Variants in APOD observed in about 807,000 individuals in gnomAD.
APOD encodes apo-D.
In APOD, 22 loss-of-function variants were observed where a neutral mutation model predicts 20.4. The ratio of observed to expected loss-of-function variants is 1.08; its 90% CI spans 0.77 to 1.54. The LOEUF (loss-of-function observed/expected upper bound fraction) is 1.54. Ranked by LOEUF, APOD falls within the 40% of genes most tolerant of loss-of-function variation. The pLI, the probability that APOD is intolerant of heterozygous loss-of-function variation, is 0.00. For synonymous variants in APOD, 97 were observed against 92.4 expected, an observed-to-expected ratio of 1.05 and a Z score of -0.29; for missense variants, 223 against 229.6, an observed-to-expected ratio of 0.97 and a Z score of 0.19.
chr3:195,571,446 G>C, intron 3 of APOD, 81 bp from the exon 4 acceptor site: 1 of 1,325,488 alleles, frequency 7.5e-7, no homozygotes, highest in Non-Finnish European at 1.1e-6. Context: ...AATAAGCAAC[G>C]AAAGGCAAGA....
intron 2 of APOD, among the ~76,000 whole-genome samples, chr3:195,577,856 A>T (rs1720271716): frequency 6.6e-6 from 1 of 152,244 alleles, no homozygotes; most frequent in Admixed American, 6.5e-5. Flanking sequence ...GAATAGGCAA[A>T]TTCGGAGACA....
At chr3:195,582,189 C>T (rs921830174) in intron 1 of APOD, among the ~76,000 whole-genome samples, 61 of 152,044 alleles carry the variant, frequency 4.0e-4, no homozygotes, top group Non-Finnish European at 2.9e-4. Flanking sequence ...AGCAAAACTC[C>T]GTCTCAAAAC....
At chr3:195,569,575 G>A (rs749309380) in intron 4 of APOD, among the ~76,000 whole-genome samples, 1 of 152,006 alleles carries the variant, frequency 6.6e-6, no homozygotes, top group Non-Finnish European at 1.5e-5. Flanking sequence ...CCTTCCTCTC[G>A]TGGTCCAGTT....
Position 195,569,044 on chromosome 3 carries a change from GT to G in APOD, c.425del (p.His142ProfsTer22). The G allele has an allele frequency of 1.9e-6, 3 of 1,614,148 alleles. No individual in the cohort carries two copies. On this transcript the variant is annotated frameshift_variant, in exon 5 of 5. Transcript: ENST00000343267. LOFTEE classifies it high-confidence loss of function. ...YSCTCIIQLFHVDFAWILARN... is the reference protein window; with the variant it reads ...YSCTCIIQLFXVDFAWILARN... ...TTGCCAAGATCCAAGCAAAATCCAC[GT>G]GAAAAAGTTGGATGATGCAGGTACA...
At chr3:195,571,392 T>A (rs546002281) in intron 3 of APOD, 27 bp from the exon 4 acceptor site, 1 of 1,565,924 alleles carries the variant, frequency 6.4e-7, no homozygotes, top group Non-Finnish European at 8.7e-7. Flanking sequence ...AAAGAAAAAA[T>A]ACAAAAAACG....
At chr3:195,580,038 A>C (rs1286017897) in intron 1 of APOD, among the ~76,000 whole-genome samples, 1 of 152,120 alleles carries the variant, frequency 6.6e-6, no homozygotes, top group East Asian at 1.9e-4. Context: ...CTACCAGCCC[A>C]AGAGTGCGCT....
intron 2 of APOD, among the ~76,000 whole-genome samples, chr3:195,577,921 T>G (rs1720272919): frequency 6.6e-6 from 1 of 152,188 alleles, no homozygotes; most frequent in African/African-American, 2.4e-5. Context: ...AGATGGAGAC[T>G]CCGTGAATGG....
At chr3:195,580,505 A>G (rs538976981) in intron 1 of APOD, among the ~76,000 whole-genome samples, 1 of 152,112 alleles carries the variant, frequency 6.6e-6, no homozygotes, top group East Asian at 1.9e-4. Flanking sequence ...CCCGGGTTCA[A>G]GTGATTCTCC....
rs750050913 is a variant in APOD, at chr3:195,571,381, A to G, written c.246-16T>C. 1 of 1,591,152 alleles carries G rather than the reference A, an allele frequency of 6.3e-7. No homozygotes were observed. The highest frequency in any genetic ancestry group is 1.4e-5 in the African/African-American group (1 of 73,342). On this transcript the variant is annotated splice_polypyrimidine_tract_variant and intron_variant, in intron 3 of 4. Coordinates refer to ENST00000343267, the MANE Select transcript of APOD (RefSeq NM_001647.4). ...TCCATCAGCTCTGCAGTGAGTTAAA[A>G]AAAGAAAAAATACAAAAAACGAAAA...
At position 195,571,305 on chromosome 3, in the gene APOD, A is replaced by G. The variant is rs774870301; in HGVS notation, c.306T>C (p.Pro102=). 27 of 1,613,818 alleles carry G rather than the reference A, an allele frequency of 1.7e-5. No homozygotes were observed. Among genetic ancestry groups the G allele is most frequent in the Middle Eastern group, 1.6e-4 (1 of 6,080 alleles). The change falls in exon 4 of 5, where the codon CCT becomes CCC. Residue 102 remains proline (P), a synonymous_variant. Coordinates refer to ENST00000343267, the MANE Select transcript of APOD (RefSeq NM_001647.4). ...GEATPVNLTE[P]AKLEVKFSWF... ...AGGAAAACTTAACTTCCAGCTTGGC[A>G]GGCTCTGTGAGGTTAACTGGGGTGG...
chr3:195,573,791 C>A (rs540789272), intron 3 of APOD, 59 bp downstream of exon 3: 196 of 1,589,470 alleles, frequency 1.2e-4, no homozygotes, highest in Middle Eastern at 1.8e-4. Flanking sequence ...CTGCCGGACA[C>A]CCAGTCACTC....
chr3:195,579,291 C>G (rs543234548), intron 2 of APOD, 48 bp downstream of exon 2: 1 of 1,611,312 alleles, frequency 6.2e-7, no homozygotes, highest in Non-Finnish European at 8.5e-7. Context: ...TTGTAGAACG[C>G]TTATTCACAG....
chr3:195,569,687 G>A (rs1720124155), intron 4 of APOD, among the ~76,000 whole-genome samples: 1 of 149,928 alleles, frequency 6.7e-6, no homozygotes, highest in Non-Finnish European at 1.5e-5. Context: ...GAAACTTCAA[G>A]CCTTTTAATG....
chr3:195,575,519 G>C (rs1720233956), intron 2 of APOD, among the ~76,000 whole-genome samples: 1 of 152,138 alleles, frequency 6.6e-6, no homozygotes, highest in Admixed American at 6.5e-5. Flanking sequence ...AGTTGCTACT[G>C]GGGAGGGAAA....
Position 195,572,738 on chromosome 3 carries a change from G to A in APOD, c.245+1112C>T, listed in dbSNP as rs187110697. ...TAGAAAGTCAGTAGGTTGGCCGGGC[G>A]TGGTGGCTCACGCCTGTAATCCCAG... On this transcript the variant is annotated intron_variant, in intron 3 of 4. Coordinates refer to ENST00000343267, the MANE Select transcript of APOD (RefSeq NM_001647.4). Among the ~76,000 whole-genome samples the A allele has an allele frequency of 2.0e-3, 311 of 152,264 alleles. 1 individual carries two copies. Among genetic ancestry groups the A allele is most frequent in the African/African-American group, 7.0e-3 (289 of 41,534 alleles).
chr3:195,580,526 T>C (rs1327356315), intron 1 of APOD, among the ~76,000 whole-genome samples: 1 of 152,092 alleles, frequency 6.6e-6, no homozygotes, highest in East Asian at 1.9e-4. Context: ...TGCCTCAGAC[T>C]CCTGAGTAGC....
At chr3:195,573,545 C>T (rs917787729) in intron 3 of APOD, among the ~76,000 whole-genome samples, 1 of 152,206 alleles carries the variant, frequency 6.6e-6, no homozygotes, top group African/African-American at 2.4e-5. Flanking sequence ...GGTGTCGAAG[C>T]GGCTTCTCTC....
At chr3:195,578,375 C>G (rs969715522) in intron 2 of APOD, among the ~76,000 whole-genome samples, 3 of 152,112 alleles carry the variant, frequency 2.0e-5, no homozygotes, top group Admixed American at 6.5e-5. Context: ...AGCGTCCCCT[C>G]AGAGGTCCCA....
At chr3:195,578,321 A>T (rs9886993) in intron 2 of APOD, among the ~76,000 whole-genome samples, 49,981 of 151,872 alleles carry the variant, frequency 0.33, 8,842 homozygotes, top group East Asian at 0.47. Flanking sequence ...TTCCTACCAC[A>T]CCTGTATCTC....
Sources: gnomAD v4.1 joint callset for allele counts (sites outside exome capture counted in the v4.1 genomes callset) on GRCh38, gnomAD v4.1.1 for gene constraint, MANE v1.5 for transcripts, NCBI Gene and HGNC (gene_info 2026-07-23, HGNC 2026-07-21) for gene names.